KDM3B: variants seen among roughly 807,000 people sequenced by gnomAD.
KDM3B encodes the protein lysine demethylase 3B.
In KDM3B, 10 loss-of-function variants were observed where a neutral mutation model predicts 170.0. That is an observed-to-expected ratio of 0.06 (90% confidence interval 0.04 to 0.10). The LOEUF (loss-of-function observed/expected upper bound fraction) is 0.10. KDM3B is among the 10% of genes least tolerant of loss of function. The pLI is 1.00. For missense variants in KDM3B, 1,394 were observed against 2,195.2 expected (o/e 0.64, Z 7.29); for synonymous variants, 831 against 834.8 (o/e 1.00, Z 0.08).
At position 138,430,436 on chromosome 5, in the gene KDM3B, G is replaced by A; in HGVS notation, c.5070+11G>A. 1 of 1,612,356 alleles carries A rather than the reference G, an allele frequency of 6.2e-7. No individual in the cohort carries two copies. Among genetic ancestry groups the A allele is most frequent in the Non-Finnish European group, 8.5e-7 (1 of 1,178,542 alleles). ...GGAGCCCCACACCAGGTGGGTTCCT[G>A]CTTGGGGGTTGGGCTGAACAGTTCC... On this transcript the variant is annotated intron_variant, in intron 22 of 23. Coordinates refer to ENST00000314358, the MANE Select transcript of KDM3B (RefSeq NM_016604.4).
chr5:138,426,862 CAAAAAAAAAA>C (rs60899302), intron 17 of KDM3B, 103 bp from the exon 18 acceptor site: 20 of 553,614 alleles, frequency 3.6e-5, no homozygotes, highest in African/African-American at 2.2e-4. Context: ...GACTCTGTCT[CAAAAAAAAAA>C]AAAAAAAAGA....
At chr5:138,388,419 T>C (rs929527077) in intron 7 of KDM3B, among the ~76,000 whole-genome samples, 6 of 151,696 alleles carry the variant, frequency 4.0e-5, no homozygotes, top group Admixed American at 3.3e-4. Context: ...GATCACGAGG[T>C]CAGGAGATCG....
chr5:138,435,236 C>G (rs1472981729), intron 23 of KDM3B, among the ~76,000 whole-genome samples: 1 of 152,178 alleles, frequency 6.6e-6, no homozygotes, highest in African/African-American at 2.4e-5. Flanking sequence ...TATAAGGAAA[C>G]AAAGTTCTCC....
At position 138,377,779 on chromosome 5, in the gene KDM3B, T is replaced by C; in HGVS notation, c.534T>C (p.Val178=). The part of the protein sequence containing the change: ...LLEHAALRET[V]NALISDQKLQ... ...AACATGCTGCACTGAGAGAAACAGT[T>C]AATGCTTTGATCAGTGACCAAAAGC... The change falls in exon 4 of 24, where the codon GTT becomes GTC. Residue 178 remains valine (V), a synonymous_variant. Coordinates refer to ENST00000314358, the MANE Select transcript of KDM3B (RefSeq NM_016604.4). 1.2e-6 allele frequency: 2 copies of C among 1,614,060 alleles called. No individual in the cohort carries two copies. Among genetic ancestry groups the C allele is most frequent in the South Asian group, 2.2e-5 (2 of 91,078 alleles).
chr5:138,380,594 A>AATAC (rs35406798), intron 5 of KDM3B, among the ~76,000 whole-genome samples: 60,324 of 151,540 alleles, frequency 0.4, 12,278 homozygotes, highest in East Asian at 0.57. Flanking sequence ...TATTTTCACT[A>AATAC]ATATGTCACA....
At chr5:138,382,935 A>G (rs1762161999) in intron 6 of KDM3B, among the ~76,000 whole-genome samples, 5 of 152,066 alleles carry the variant, frequency 3.3e-5, no homozygotes, top group African/African-American at 9.7e-5. Context: ...TTCATTAAGC[A>G]TATATTGTAT....
chr5:138,413,334 G>C (rs1000296543), intron 11 of KDM3B, among the ~76,000 whole-genome samples: 20 of 147,680 alleles, frequency 1.4e-4, no homozygotes. Flanking sequence ...AGTGAGCCGA[G>C]ATCACACCAC....
At chr5:138,435,111 T>G (rs573302556) in intron 23 of KDM3B, among the ~76,000 whole-genome samples, 1 of 152,328 alleles carries the variant, frequency 6.6e-6, no homozygotes, top group South Asian at 2.1e-4. Flanking sequence ...AGGTAATATA[T>G]CCAAATCAGA....
At chr5:138,408,098 A>G (rs937944631) in intron 11 of KDM3B, among the ~76,000 whole-genome samples, 1 of 152,244 alleles carries the variant, frequency 6.6e-6, no homozygotes, top group African/African-American at 2.4e-5. Flanking sequence ...CCATATGTAC[A>G]GTAAGGAGCA....
rs757916501 is a variant in KDM3B, at chr5:138,391,911, C to T, written c.2279C>T (p.Pro760Leu). The T allele has an allele frequency of 5.6e-6, 9 of 1,613,466 alleles. No homozygotes were observed. The highest frequency in any genetic ancestry group is 7.6e-6 in the Non-Finnish European group (9 of 1,179,488). Residue 760 changes from proline (P) to leucine (L), a missense_variant, in exon 8 of 24, where the codon CCC (proline) becomes CTC (leucine). This residue lies in a region of KDM3B where 294 missense variants were observed against 311.7 expected (regional missense o/e 0.94). Transcript: ENST00000314358. This position sits in a 1 kb window ranked among gnomAD's most constrained non-coding sequence, Gnocchi z 5.0. Reference sequence around the variant, plus strand: ...GTGGGGCCTGGGCAGCAGGACAATCCCCTCCTCAAAACCTTTAGTAACGTC... The same window carrying T: ...GTGGGGCCTGGGCAGCAGGACAATCTCCTCCTCAAAACCTTTAGTAACGTC... ...PTVGPGQQDN[P>L]LLKTFSNVFG...
At chr5:138,428,453 C>T (rs762433847) in intron 20 of KDM3B, among the ~76,000 whole-genome samples, 1 of 152,172 alleles carries the variant, frequency 6.6e-6, no homozygotes, top group Non-Finnish European at 1.5e-5. Flanking sequence ...TCAGGTGATC[C>T]GTCTGCCTCA....
chr5:138,398,183 T>A lies in KDM3B; in HGVS notation c.2837T>A (p.Ile946Asn). Residue 946 changes from isoleucine (I) to asparagine (N), a missense_variant, in exon 10 of 24, where the codon ATC (isoleucine) becomes AAC (asparagine). By Grantham distance (149) the Ile-to-Asn change is moderately radical. This residue lies in a region of KDM3B where 76 missense variants were observed against 190.2 expected (regional missense o/e 0.40). Transcript: ENST00000314358. Reference protein sequence around the residue: ...ACRFFHFRRLIFTRKGVLRVE... With the variant: ...ACRFFHFRRLNFTRKGVLRVE... ...TGTATTTGATCATGTCTCAGGTTGA[T>A]CTTCACTCGAAAAGGGGTACTCCGT... The A allele has an allele frequency of 6.2e-7, 1 of 1,610,824 alleles. No homozygotes were observed. Among genetic ancestry groups the A allele is most frequent in the Non-Finnish European group, 8.5e-7 (1 of 1,177,782 alleles).
intron 12 of KDM3B, among the ~76,000 whole-genome samples, chr5:138,416,968 G>A (rs778883915): frequency 1.3e-5 from 2 of 152,080 alleles, no homozygotes; most frequent in South Asian, 4.1e-4. Flanking sequence ...TTACAGGCAC[G>A]CACCATCATG....
chr5:138,399,849 C>T lies in KDM3B; in HGVS notation c.3047-11C>T, dbSNP rs371763447. 809 of 1,610,552 alleles carry T rather than the reference C, an allele frequency of 5.0e-4. 7 individuals are homozygous for T. The South Asian group carries it at 7.4e-3, about 15-fold the overall frequency. On this transcript the variant is annotated splice_polypyrimidine_tract_variant and intron_variant, in intron 10 of 23. Coordinates refer to ENST00000314358, the MANE Select transcript of KDM3B (RefSeq NM_016604.4). ...ATGATCAATGCCAATTCTGTTTCCT[C>T]TTTCCACCAGAGAAAGTGGCATGGA... is the stretch of plus-strand genomic sequence containing the variant.
At chr5:138,366,941 A>G (rs1299599075) in intron 1 of KDM3B, among the ~76,000 whole-genome samples, 5 of 152,214 alleles carry the variant, frequency 3.3e-5, no homozygotes, top group Admixed American at 3.3e-4. Context: ...TTTACAGCTT[A>G]CTTACTAGCC....
At chr5:138,360,636 T>G (rs10900853) in intron 1 of KDM3B, among the ~76,000 whole-genome samples, 58,973 of 148,524 alleles carry the variant, frequency 0.4, 12,047 homozygotes, top group East Asian at 0.58. Context: ...CAGTGGCACA[T>G]TGTCGGCTTG....
intron 15 of KDM3B, 28 bp from the exon 16 acceptor site, chr5:138,424,047 G>A (rs761460282): frequency 2.0e-6 from 3 of 1,518,860 alleles, no homozygotes; most frequent in Admixed American, 2.1e-5. Flanking sequence ...CCTCAGTCAA[G>A]CTTACCTGGT....
chr5:138,380,718 A>C (rs1015435322), intron 5 of KDM3B, among the ~76,000 whole-genome samples: 13 of 152,018 alleles, frequency 8.6e-5, no homozygotes, highest in African/African-American at 3.1e-4. Context: ...ATTGCCCCCC[A>C]CTGAGTTTTT....
At position 138,435,736 on chromosome 5, in the gene KDM3B, T is replaced by C; in HGVS notation, c.*36T>C. 1 of 1,517,442 alleles carries C rather than the reference T, an allele frequency of 6.6e-7. No homozygotes were observed. The highest frequency in any genetic ancestry group is 9.1e-7 in the Non-Finnish European group (1 of 1,098,584). 94.0% of individuals were successfully genotyped at this position (1,517,442 alleles called of 1,614,324 possible). A position where few individuals can be genotyped will look rare whatever the true frequency, so the allele number is the denominator to read the frequency against. ...ACTCCAAGCTCCTCTGTGAAGCAGGTCTTTCACTCACAACACTTAACAGGG... is the reference window on the plus strand; with the variant it reads ...ACTCCAAGCTCCTCTGTGAAGCAGGCCTTTCACTCACAACACTTAACAGGG... On this transcript the variant is annotated 3_prime_UTR_variant, in exon 24 of 24. Coordinates refer to ENST00000314358, the MANE Select transcript of KDM3B (RefSeq NM_016604.4).
Sources: allele counts gnomAD v4.1 joint callset (sites outside exome capture counted in the v4.1 genomes callset), GRCh38; gene constraint gnomAD v4.1.1; regional missense constraint gnomAD v4.1.1; non-coding constraint Gnocchi (gnomAD v3.1); transcripts MANE v1.5; gene names NCBI Gene and HGNC (gene_info 2026-07-23, HGNC 2026-07-21).